Variants in TRAPPC9 observed in about 807,000 individuals in gnomAD.
TRAPPC9 encodes trafficking protein particle complex subunit 9.
A neutral mutation model predicts 124.0 loss-of-function variants in TRAPPC9; 83 were observed. The observed-to-expected ratio is 0.67, with a 90% CI of 0.56 to 0.80. TRAPPC9 has a LOEUF of 0.80. TRAPPC9 is among the 30% of genes least tolerant of loss of function. TRAPPC9 has a pLI of 0.00. For synonymous variants in TRAPPC9, 638 were observed against 617.5 expected, an observed-to-expected ratio of 1.03 and a Z score of -0.49; for missense variants, 1,302 against 1,508.3, an observed-to-expected ratio of 0.86 and a Z score of 2.27.
chr8:139,737,186 C>T (rs959771109), intron 21 of TRAPPC9, among the ~76,000 whole-genome samples: 5 of 152,176 alleles, frequency 3.3e-5, no homozygotes, highest in African/African-American at 7.2e-5. Context: ...CTTCTATCGG[C>T]GCTCCCCAGG....
intron 16 of TRAPPC9, among the ~76,000 whole-genome samples, chr8:140,237,393 TAAGA>T (rs1475792416): frequency 6.7e-6 from 1 of 150,102 alleles, no homozygotes; most frequent in Admixed American, 6.6e-5. Flanking sequence ...AGAGAATGAG[TAAGA>T]GTTTTTCAAG....
At chr8:140,014,129 G>A (rs1417764130) in intron 18 of TRAPPC9, among the ~76,000 whole-genome samples, 1 of 152,220 alleles carries the variant, frequency 6.6e-6, no homozygotes, top group Non-Finnish European at 1.5e-5. Flanking sequence ...CTCGGTGGCA[G>A]GGTGTCTATC....
chr8:139,855,595 G>A (rs1213370789), intron 21 of TRAPPC9, among the ~76,000 whole-genome samples: 1 of 152,218 alleles, frequency 6.6e-6, no homozygotes, highest in Non-Finnish European at 1.5e-5. Context: ...GGAAGGTGAG[G>A]GAGTGGGAAG....
rs535407052 is a variant in TRAPPC9 at position 139,988,420 on chromosome 8, C to T, written c.2810+306G>A. ...TGAGCCACCACACCCAGCCCAGATA[C>T]CACTTTCTCAAGAATTTAACAGCAA... On this transcript the variant is annotated intron_variant, in intron 19 of 22. Transcript: ENST00000438773. 1.5e-3 allele frequency among the ~76,000 whole-genome samples: 226 copies of T among 152,224 alleles called. 1 individual carries two copies. The highest frequency in any genetic ancestry group is 3.4e-3 in the Middle Eastern group (1 of 294).
intron 21 of TRAPPC9, among the ~76,000 whole-genome samples, chr8:139,845,252 G>A (rs1826997625): frequency 6.6e-6 from 1 of 152,218 alleles, no homozygotes; most frequent in Non-Finnish European, 1.5e-5. Flanking sequence ...TAGGGTATGG[G>A]GAGGGGGAAA....
chr8:139,948,248 AACACACACACACACACACACAC>A (rs141771160), intron 19 of TRAPPC9, among the ~76,000 whole-genome samples: 7 of 144,618 alleles, frequency 4.8e-5, no homozygotes, highest in Admixed American at 6.9e-5. Context: ...TGGTTCATAA[AACACACACACACACACACACAC>A]ACACACACAC....
chr8:140,448,145 CA>C (rs56941791), intron 2 of TRAPPC9, among the ~76,000 whole-genome samples: 34,378 of 88,986 alleles, frequency 0.39, 3,560 homozygotes, highest in East Asian at 0.47. Context: ...GACACCATCT[CA>C]AAAAAAAAAA....
intron 19 of TRAPPC9, among the ~76,000 whole-genome samples, chr8:139,983,085 G>A (rs1055594956): frequency 1.3e-5 from 2 of 152,178 alleles, no homozygotes; most frequent in Non-Finnish European, 2.9e-5. Flanking sequence ...CATGAAGATG[G>A]AATCCACATG....
At chr8:139,983,546 G>A (rs1449546082) in intron 19 of TRAPPC9, among the ~76,000 whole-genome samples, 1 of 151,968 alleles carries the variant, frequency 6.6e-6, no homozygotes, top group Non-Finnish European at 1.5e-5. Context: ...AACACCACAC[G>A]TACTCAGCAG....
chr8:140,258,912 T>C (rs2064333086), intron 15 of TRAPPC9, among the ~76,000 whole-genome samples: 1 of 152,194 alleles, frequency 6.6e-6, no homozygotes. Flanking sequence ...ACAGCTGAGA[T>C]ACTGAGGCCC....
intron 10 of TRAPPC9, among the ~76,000 whole-genome samples, chr8:140,310,313 G>A (rs2066260464): frequency 6.6e-6 from 1 of 152,110 alleles, no homozygotes; most frequent in South Asian, 2.1e-4. Flanking sequence ...TGGCAAGACC[G>A]AGTGAAGCTG....
chr8:140,119,826 A>G (rs139246986), intron 17 of TRAPPC9, among the ~76,000 whole-genome samples: 304 of 152,286 alleles, frequency 2.0e-3, no homozygotes, highest in Non-Finnish European at 3.5e-3. Context: ...CCTCTAAACC[A>G]GAAAGGAACC....
At chr8:140,453,110 G>T (rs565368351) in intron 1 of TRAPPC9, among the ~76,000 whole-genome samples, 77 of 152,072 alleles carry the variant, frequency 5.1e-4, no homozygotes, top group Non-Finnish European at 1.0e-3. Context: ...TTTTTTTAAA[G>T]GTTAGGGAGA....
chr8:140,140,459 A>G (rs1223797635), intron 17 of TRAPPC9, among the ~76,000 whole-genome samples: 1 of 152,136 alleles, frequency 6.6e-6, no homozygotes, highest in Non-Finnish European at 1.5e-5. Flanking sequence ...TGGATATTTA[A>G]TACCTTGCTT....
rs755078539 is a variant in TRAPPC9 at position 140,363,705 on chromosome 8, C to T, written c.1352-3512G>A. Among the ~76,000 whole-genome samples the T allele has an allele frequency of 1.3e-3, 200 of 151,922 alleles. 2 individuals carry two copies. The highest frequency in any genetic ancestry group is 1.6e-3 in the Non-Finnish European group (111 of 68,020). On this transcript the variant is annotated intron_variant, in intron 8 of 22. Coordinates refer to ENST00000438773, the MANE Select transcript of TRAPPC9 (RefSeq NM_001160372.4). ...TTATGCCTCCCAGGTTCAAGCAATT[C>T]TCCTGCCTCAGCCTCCCGAGTAGCT...
chr8:139,794,470 G>T (rs186704933), intron 21 of TRAPPC9, among the ~76,000 whole-genome samples: 33 of 152,326 alleles, frequency 2.2e-4, no homozygotes, highest in Non-Finnish European at 4.4e-4. Context: ...TTACCAAAGG[G>T]GAGCGGTTTC....
chr8:140,395,952 T>C (rs1182427114), intron 7 of TRAPPC9, among the ~76,000 whole-genome samples: 10 of 152,024 alleles, frequency 6.6e-5, no homozygotes, highest in Non-Finnish European at 1.5e-4. Flanking sequence ...GCTGACCCTT[T>C]CCACGTAGAC....
At chr8:140,000,023 C>T (rs1397085420) in intron 18 of TRAPPC9, among the ~76,000 whole-genome samples, 1 of 152,064 alleles carries the variant, frequency 6.6e-6, no homozygotes, top group African/African-American at 2.4e-5. Flanking sequence ...GGTACTGGTA[C>T]CAAAACAGAT....
intron 17 of TRAPPC9, among the ~76,000 whole-genome samples, chr8:140,027,504 G>A (rs971482809): frequency 3.9e-5 from 6 of 152,156 alleles, no homozygotes; most frequent in Admixed American, 3.3e-4. Flanking sequence ...ACAGACAACT[G>A]TCAAAGTACC....
Sources: allele counts gnomAD v4.1 joint callset (sites outside exome capture counted in the v4.1 genomes callset), GRCh38; gene constraint gnomAD v4.1.1; transcripts MANE v1.5; gene names NCBI Gene and HGNC (gene_info 2026-07-23, HGNC 2026-07-21).